Variants in IBA57 observed in about 807,000 individuals in gnomAD.
IBA57 encodes the protein iron-sulfur cluster assembly factor IBA57, mitochondrial.
Under a neutral mutation model 20.4 loss-of-function variants are expected in IBA57, and 20 were observed. That is an observed-to-expected ratio of 0.98 (90% confidence interval 0.69 to 1.42). The LOEUF (loss-of-function observed/expected upper bound fraction) is 1.42. Ranked by LOEUF, IBA57 falls within the 40% of genes most tolerant of loss-of-function variation. The probability of loss-of-function intolerance (pLI) is 0.00; values close to 1 mark genes in which losing one functional copy is unlikely to be tolerated. For missense variants in IBA57, 608 were observed against 499.3 expected, an observed-to-expected ratio of 1.22 and a Z score of -2.07; for synonymous variants, 310 against 233.9, an observed-to-expected ratio of 1.33 and a Z score of -2.97.
In IBA57 at chr1:228,174,771, G is replaced by A. The variant is rs754055370; in HGVS notation, c.421G>A (p.Ala141Thr). ...SVQGALQKHL[A>T]LYRIRRKVTV... ...GCAGGGCGCGCTGCAGAAGCACCTC[G>A]CGCTATACAGGATCCGGCGGAAGGT... Residue 141 changes from alanine to threonine, a missense_variant, in exon 2 of 3, where the codon GCG becomes ACG. Coordinates refer to ENST00000366711, the MANE Select transcript of IBA57 (RefSeq NM_001010867.4). 2.0e-5 allele frequency: 33 copies of A among 1,610,240 alleles called. No homozygotes were observed. The highest frequency in any genetic ancestry group is 2.7e-5 in the Non-Finnish European group (32 of 1,179,600).
rs376235022 is a variant in IBA57, at chr1:228,166,020, C to T, written c.204C>T (p.Pro68=). 8.5e-5 allele frequency: 130 copies of T among 1,533,736 alleles called. No homozygotes were observed. Among genetic ancestry groups the T allele is most frequent in the East Asian group, 6.2e-4 (25 of 40,212 alleles). The part of the protein sequence containing the change: ...LLRVRGPDAA[P]FLLGLLTNEL... Reference sequence around the variant, plus strand: ...GCGTGCGTGGCCCCGACGCGGCGCCCTTCCTGCTAGGGCTGCTGACCAATG... The same window carrying T: ...GCGTGCGTGGCCCCGACGCGGCGCCTTTCCTGCTAGGGCTGCTGACCAATG... Residue 68 remains proline, a synonymous_variant, in exon 1 of 3, where the codon CCC becomes CCT. Coordinates refer to ENST00000366711, the MANE Select transcript of IBA57 (RefSeq NM_001010867.4).
Position 228,165,970 on chromosome 1 carries a change from C to G in IBA57, c.154C>G (p.Arg52Gly). The G allele has an allele frequency of 6.6e-7, 1 of 1,516,774 alleles. No individual in the cohort carries two copies. Among genetic ancestry groups the G allele is most frequent in the Non-Finnish European group, 8.8e-7 (1 of 1,140,160 alleles). The allele number at this position is 1,516,774 out of a possible 1,614,324, so 94.0% of individuals were successfully genotyped here. ...GGCCGGAGCGGCCTGGGCCTGCTTC[C>G]GGCTGGACGGGCGCACCCTGCTGCG... ...PTAGAAWACF[R>G]LDGRTLLRVR... Residue 52 changes from arginine to glycine, a missense_variant, in exon 1 of 3, where the codon CGG becomes GGG. Coordinates refer to ENST00000366711, the MANE Select transcript of IBA57 (RefSeq NM_001010867.4).
At chr1:228,166,838 G>A (rs2034860301) in intron 1 of IBA57, among the ~76,000 whole-genome samples, 1 of 152,114 alleles carries the variant, frequency 6.6e-6, no homozygotes, top group African/African-American at 2.4e-5. Flanking sequence ...GATCTGGTTC[G>A]CGGCCGCCTG....
rs185053033 is a variant in IBA57, at chr1:228,176,722, G to A, written c.*1209G>A. 2 of 152,498 alleles carry A rather than the reference G, an allele frequency of 1.3e-5. No individual in the cohort carries two copies. The highest frequency in any genetic ancestry group is 1.9e-4 in the East Asian group (1 of 5,190). The allele number at this position is 152,498 out of a possible 1,614,324, so 9.4% of individuals were successfully genotyped here. ...GTGCCGCCATCCTGGGGGGCCACAG[G>A]TGCTCTCTAGAAATCTGCAGCCATG... On this transcript the variant is annotated 3_prime_UTR_variant, in exon 3 of 3. Coordinates refer to ENST00000366711, the MANE Select transcript of IBA57 (RefSeq NM_001010867.4).
intron 1 of IBA57, 68 bp downstream of exon 1, chr1:228,166,225 G>C: frequency 1.6e-6 from 2 of 1,255,000 alleles, no homozygotes; most frequent in Non-Finnish European, 2.1e-6. Flanking sequence ...CGGCACCCAG[G>C]GACAGGGCGG....
Position 228,166,170 on chromosome 1 carries a change from T to TGGGAG in IBA57, c.341+16_341+20dup. 7.3e-7 allele frequency: 1 copy of TGGGAG among 1,374,738 alleles called. No homozygotes were observed. The highest frequency in any genetic ancestry group is 9.5e-7 in the Non-Finnish European group (1 of 1,050,898). The allele number at this position is 1,374,738 out of a possible 1,614,324, so 85.2% of individuals were successfully genotyped here. ...TCATCTTGTACGGGTGAGCGCGTGC[T>TGGGAG]GGGAGGGCGCTCGGGGGCGGGCACC... On this transcript the variant is annotated intron_variant, in intron 1 of 2. Transcript: ENST00000366711.
Position 228,175,017 on chromosome 1 carries a change from C to G in IBA57, c.667C>G (p.Arg223Gly), listed in dbSNP as rs780008989. 1.3e-6 allele frequency: 2 copies of G among 1,552,518 alleles called. No homozygotes were observed. The highest frequency in any genetic ancestry group is 1.2e-5 in the South Asian group (1 of 81,572). ...GGACTTGTGGGATTATCACCAGCAC[C>G]GATACCTGCAAGGTATGGGTGGGGT... ...LGDLWDYHQH[R>G]YLQGVPEGVR... The change falls in exon 2 of 3, where the codon CGA (arginine) becomes GGA (glycine). Residue 223 changes from arginine to glycine, a missense_variant. By Grantham distance (125) the Arg-to-Gly change is moderately radical. Transcript: ENST00000366711.
At position 228,175,431 on chromosome 1, in the gene IBA57, C is replaced by G. The variant is rs918873125; in HGVS notation, c.989C>G (p.Pro330Arg). 6.2e-6 allele frequency: 10 copies of G among 1,612,244 alleles called. No homozygotes were observed. The highest frequency in any genetic ancestry group is 2.2e-5 in the South Asian group (2 of 91,014). Reference protein sequence around the residue: ...ALLWSEKIKGPLHIRASEGAQ... With the variant: ...ALLWSEKIKGRLHIRASEGAQ... ...CTGTGGTCAGAGAAGATCAAGGGTC[C>G]TCTGCACATCAGAGCCTCTGAGGGT... The change falls in exon 3 of 3, where the codon CCT becomes CGT. Residue 330 changes from proline (P) to arginine (R), a missense_variant. By Grantham distance (103) the Pro-to-Arg change is moderately radical. Transcript: ENST00000366711.
rs1053656629 is a variant in IBA57 at position 228,175,698 on chromosome 1, C to T, written c.*185C>T. On this transcript the variant is annotated 3_prime_UTR_variant, in exon 3 of 3. Coordinates refer to ENST00000366711, the MANE Select transcript of IBA57 (RefSeq NM_001010867.4). ...CACCCATGCTCAGGGGCCCCAGGCA[C>T]GTGGGTTGTTTTCTCCCTGGACTTC... 2.0e-5 allele frequency: 13 copies of T among 654,982 alleles called. No homozygotes were observed. Among genetic ancestry groups the T allele is most frequent in the Non-Finnish European group, 2.9e-5 (12 of 418,452 alleles). 40.6% of individuals were successfully genotyped at this position (654,982 alleles called of 1,614,324 possible). A position where few individuals can be genotyped will look rare whatever the true frequency, so the allele number is the denominator to read the frequency against.
intron 1 of IBA57, chr1:228,173,195 C>T (rs758231884): frequency 1.6e-4 from 24 of 152,484 alleles, no homozygotes; most frequent in Non-Finnish European, 2.9e-4. Context: ...GCACCTGAAG[C>T]CCTGGGCAAC....
chr1:228,181,084 T>TAAGA lies in IBA57; in HGVS notation c.*5572_*5575dup, dbSNP rs922628243. On this transcript the variant is annotated 3_prime_UTR_variant, in exon 3 of 3. Coordinates refer to ENST00000366711, the MANE Select transcript of IBA57 (RefSeq NM_001010867.4). ...TAACAGTGTTAAGAGATGGGGCCTG[T>TAAGA]AAGAGGTGATTAGGCTGTGAGGGCT... 1.3e-5 allele frequency: 2 copies of TAAGA among 152,260 alleles called. No homozygotes were observed. The highest frequency in any genetic ancestry group is 4.8e-5 in the African/African-American group (2 of 41,418). The allele number at this position is 152,260 out of a possible 1,614,324, so 9.4% of individuals were successfully genotyped here. A position where few individuals can be genotyped will look rare whatever the true frequency, so the allele number is the denominator to read the frequency against.
chr1:228,173,766 C>A (rs1056939768), intron 1 of IBA57, among the ~76,000 whole-genome samples: 2 of 152,220 alleles, frequency 1.3e-5, no homozygotes, highest in African/African-American at 4.8e-5. Flanking sequence ...CATCCCTGCT[C>A]CCACATCCAG....
In IBA57 at chr1:228,166,044, T is replaced by C; in HGVS notation, c.228T>C (p.Asn76=). The C allele has an allele frequency of 6.5e-7, 1 of 1,538,532 alleles. No individual in the cohort carries two copies. Among genetic ancestry groups the C allele is most frequent in the Non-Finnish European group, 8.7e-7 (1 of 1,147,564 alleles). ...AAPFLLGLLT[N]ELPLPSPAAA... ...CCTTCCTGCTAGGGCTGCTGACCAA[T>C]GAACTGCCGCTTCCGAGTCCTGCGG... The change falls in exon 1 of 3, where the codon AAT becomes AAC. Residue 76 remains asparagine (N), a synonymous_variant. Coordinates refer to ENST00000366711, the MANE Select transcript of IBA57 (RefSeq NM_001010867.4).
In IBA57 at chr1:228,165,828, G is replaced by A. The variant is rs2034839145; in HGVS notation, c.12G>A (p.Ala4=). 3.8e-6 allele frequency: 5 copies of A among 1,300,368 alleles called. No individual in the cohort carries two copies. Among genetic ancestry groups the A allele is most frequent in the Non-Finnish European group, 4.9e-6 (5 of 1,029,008 alleles). 80.6% of individuals were successfully genotyped at this position (1,300,368 alleles called of 1,614,324 possible). Residue 4 remains alanine, a synonymous_variant, in exon 1 of 3, where the codon GCG becomes GCA. Transcript: ENST00000366711. Reference sequence around the variant, plus strand: ...CACTCTTGTCCAAGATGGCGACCGCGGCGCTGCTTCGAGGCGCCACTCCGG... The same window carrying A: ...CACTCTTGTCCAAGATGGCGACCGCAGCGCTGCTTCGAGGCGCCACTCCGG... MAT[A]ALLRGATPGR...
At chr1:228,166,992 C>T (rs1303529956) in intron 1 of IBA57, among the ~76,000 whole-genome samples, 2 of 152,210 alleles carry the variant, frequency 1.3e-5, no homozygotes, top group Non-Finnish European at 2.9e-5. Context: ...CTGCTAGTGG[C>T]TTTACCTGAT....
In IBA57 at chr1:228,175,244, C is replaced by G. The variant is rs1332185635; in HGVS notation, c.802C>G (p.Arg268Gly). 1.9e-6 allele frequency: 3 copies of G among 1,612,840 alleles called. No individual in the cohort carries two copies. Among genetic ancestry groups the G allele is most frequent in the Non-Finnish European group, 2.5e-6 (3 of 1,179,998 alleles). ...GCYIGQELTA[R>G]THHMGVIRKR... ...CTACATTGGCCAGGAGCTGACGGCC[C>G]GCACCCACCACATGGGCGTCATCCG... Residue 268 changes from arginine (R) to glycine (G), a missense_variant, in exon 3 of 3, where the codon CGC (arginine) becomes GGC (glycine). By Grantham distance (125) the Arg-to-Gly change is moderately radical. Coordinates refer to ENST00000366711, the MANE Select transcript of IBA57 (RefSeq NM_001010867.4).
At position 228,170,518 on chromosome 1, in the gene IBA57, C is replaced by T. The variant is rs2034909264; in HGVS notation, c.342-4174C>T. Among the ~76,000 whole-genome samples the T allele has an allele frequency of 6.6e-6, 1 of 152,130 alleles. No homozygotes were observed. The highest frequency in any genetic ancestry group is 6.6e-5 in the Admixed American group (1 of 15,262). On this transcript the variant is annotated intron_variant, in intron 1 of 2. Transcript: ENST00000366711. This position sits in a 1 kb window ranked among gnomAD's most constrained non-coding sequence, Gnocchi z 4.8. ...ATGTTGCTCGGGCTGGTCTTGAACT[C>T]CTGGGCTCAGGCGATTCTCCTGCCT... is the stretch of plus-strand genomic sequence containing the variant.
At chr1:228,169,953 G>A (rs1274932086) in intron 1 of IBA57, among the ~76,000 whole-genome samples, 1 of 151,876 alleles carries the variant, frequency 6.6e-6, no homozygotes, top group African/African-American at 2.4e-5. Flanking sequence ...TGCAACCTCT[G>A]CCTCCCAGGT....
At chr1:228,167,431 A>G (rs951422241) in intron 1 of IBA57, among the ~76,000 whole-genome samples, 1 of 146,812 alleles carries the variant, frequency 6.8e-6, no homozygotes, top group African/African-American at 2.5e-5. Context: ...ATCTTGGCTC[A>G]TTGCAACCTC....
Sources: allele counts gnomAD v4.1 joint callset (sites outside exome capture counted in the v4.1 genomes callset), GRCh38; gene constraint gnomAD v4.1.1; non-coding constraint Gnocchi (gnomAD v3.1); transcripts MANE v1.5; gene names NCBI Gene and HGNC (gene_info 2026-07-23, HGNC 2026-07-21).